USP8: variants seen among roughly 807,000 people sequenced by gnomAD.
USP8 encodes ubiquitin carboxyl-terminal hydrolase 8.
A neutral mutation model predicts 130.0 loss-of-function variants in USP8; 27 were observed. That is an observed-to-expected ratio of 0.21 (90% CI 0.15 to 0.29). The LOEUF (loss-of-function observed/expected upper bound fraction) is 0.29. Among genes scored for constraint, USP8 ranks in the 10% least tolerant of loss-of-function variants. The pLI is 1.00. For synonymous variants in USP8, 392 were observed against 444.1 expected, an observed-to-expected ratio of 0.88 and a Z score of 1.48; for missense variants, 1,029 against 1,312.2, an observed-to-expected ratio of 0.78 and a Z score of 3.33.
chr15:50,490,579 C>T lies in USP8; in HGVS notation c.2234+54C>T. ...AATAATGTGCTGTATTTCAAAGTTT[C>T]TACTCTGAATCTGTCAGTATGTTAG... On this transcript the variant is annotated intron_variant, in intron 14 of 19. Coordinates refer to ENST00000307179, the MANE Select transcript of USP8 (RefSeq NM_005154.5). 2.5e-6 allele frequency: 4 copies of T among 1,575,084 alleles called. No individual in the cohort carries two copies. The South Asian group carries it at 4.7e-5, about 18-fold the overall frequency.
chr15:50,492,028 CT>C (rs2052191286), intron 14 of USP8, among the ~76,000 whole-genome samples: 1 of 152,060 alleles, frequency 6.6e-6, no homozygotes, highest in East Asian at 1.9e-4. Context: ...TGCCCAGCTA[CT>C]TTTTGTATTT....
At chr15:50,477,568 A>T in intron 10 of USP8, 69 bp downstream of exon 10, 1 of 1,410,580 alleles carries the variant, frequency 7.1e-7, no homozygotes, top group Non-Finnish European at 9.7e-7. Flanking sequence ...AGCTGGGCAC[A>T]GTGCCTCACG....
rs1237098206 is a variant in USP8 at position 50,500,660 on chromosome 15, G to A, written c.*1572G>A. ...AAACACCATTTTCCTGGCTCTTAAC[G>A]CTTTTGTATTGGTATGGAAAAGGGC... is the stretch of plus-strand genomic sequence containing the variant. On this transcript the variant is annotated 3_prime_UTR_variant, in exon 20 of 20. Coordinates refer to ENST00000307179, the MANE Select transcript of USP8 (RefSeq NM_005154.5). The A allele has an allele frequency of 2.2e-5, 23 of 1,062,434 alleles. No individual in the cohort carries two copies. In the East Asian group the frequency reaches 2.9e-4, roughly 13 times the overall value. 65.8% of individuals were successfully genotyped at this position (1,062,434 alleles called of 1,614,324 possible).
intron 16 of USP8, among the ~76,000 whole-genome samples, chr15:50,495,069 T>A (rs2052324320): frequency 6.6e-6 from 1 of 150,558 alleles, no homozygotes; most frequent in Non-Finnish European, 1.5e-5. Context: ...CTCATGTGAC[T>A]AGTTATTATA....
intron 1 of USP8, among the ~76,000 whole-genome samples, chr15:50,438,192 C>G (rs2050144919): frequency 6.6e-6 from 1 of 152,194 alleles, no homozygotes; most frequent in South Asian, 2.1e-4. Context: ...CCATCCCCTG[C>G]TCCAAGTTGT....
At chr15:50,449,124 TAAC>T (rs2050532085) in intron 3 of USP8, among the ~76,000 whole-genome samples, 1 of 152,328 alleles carries the variant, frequency 6.6e-6, no homozygotes, top group East Asian at 1.9e-4. Context: ...TACTCAAAAA[TAAC>T]AATGTTATTT....
chr15:50,481,632 T>C lies in USP8; in HGVS notation c.1370T>C (p.Leu457Ser). Residue 457 changes from leucine to serine, a missense_variant, in exon 11 of 20, where the codon TTA becomes TCA. By Grantham distance (145) the Leu-to-Ser change is moderately radical. Coordinates refer to ENST00000307179, the MANE Select transcript of USP8 (RefSeq NM_005154.5). ...KPVVFSPTLM[L>S]TDEEKARIHA... is the part of the protein sequence containing the mutation. ...GTAGTTTTTTCTCCAACTCTCATGTTAACAGATGAAGAAAAGGCTCGTATT... is the reference window on the plus strand; with the variant it reads ...GTAGTTTTTTCTCCAACTCTCATGTCAACAGATGAAGAAAAGGCTCGTATT... The C allele has an allele frequency of 6.2e-7, 1 of 1,614,022 alleles. No homozygotes were observed. The highest frequency in any genetic ancestry group is 2.2e-5 in the East Asian group (1 of 44,856).
chr15:50,454,754 C>T (rs889708849), intron 4 of USP8, among the ~76,000 whole-genome samples: 1 of 152,096 alleles, frequency 6.6e-6, no homozygotes, highest in East Asian at 1.9e-4. Flanking sequence ...CACGCCCAGC[C>T]TGGATTGAAT....
chr15:50,489,668 A>G, intron 12 of USP8, 133 bp from the exon 13 acceptor site: 1 of 468,160 alleles, frequency 2.1e-6, no homozygotes, highest in Non-Finnish European at 3.6e-6. Context: ...TTTTTAAAAT[A>G]TGAAGGGCAG....
In USP8 at chr15:50,459,158, A is replaced by T. The variant is rs774290227; in HGVS notation, c.494A>T (p.Gln165Leu). ...ENVLDSKDKT[Q>L]KSNGEKNEKC... ...GTTTTGGATTCCAAAGACAAAACCC[A>T]AAAGGTATTTCAAATTTAATGTGTG... Residue 165 changes from glutamine to leucine, a missense_variant, in exon 5 of 20, where the codon CAA becomes CTA. Physicochemically the swap from Gln to Leu is moderately radical, Grantham distance 113 (BLOSUM62 -2). Transcript: ENST00000307179. 3.5e-5 allele frequency: 56 copies of T among 1,600,352 alleles called. 1 individual carries two copies. The East Asian group carries it at 1.2e-3, about 35-fold the overall frequency.
intron 1 of USP8, among the ~76,000 whole-genome samples, chr15:50,425,781 T>G (rs1388016400): frequency 6.6e-6 from 1 of 152,148 alleles, no homozygotes; most frequent in African/African-American, 2.4e-5. Flanking sequence ...AGCATTTCGT[T>G]TTTTAATATA....
At position 50,501,459 on chromosome 15, in the gene USP8, G is replaced by GT. The variant is rs2052586710; in HGVS notation, c.*2372dup. On this transcript the variant is annotated 3_prime_UTR_variant, in exon 20 of 20. Coordinates refer to ENST00000307179, the MANE Select transcript of USP8 (RefSeq NM_005154.5). ...ACTGCACTCCAGCCTGGGTGACAGA[G>GT]TGAGACCCTGTCTTAAAATTGTAAG... is the stretch of plus-strand genomic sequence containing the variant. 3.9e-5 allele frequency: 6 copies of GT among 152,058 alleles called. No homozygotes were observed. The highest frequency in any genetic ancestry group is 3.9e-4 in the Admixed American group (6 of 15,262). 9.4% of individuals were successfully genotyped at this position (152,058 alleles called of 1,614,324 possible).
In USP8 at chr15:50,506,589, G is replaced by A. The variant is rs1031656719; in HGVS notation, c.*7501G>A. ...TAACATAAACACAAAAGAAGATGAC[G>A]ACAAGTAAATCCGAATTTATTACTA... On this transcript the variant is annotated 3_prime_UTR_variant, in exon 20 of 20. Transcript: ENST00000307179. 2 of 152,082 alleles carry A rather than the reference G, an allele frequency of 1.3e-5. No individual in the cohort carries two copies. Among genetic ancestry groups the A allele is most frequent in the East Asian group, 3.8e-4 (2 of 5,200 alleles). 9.4% of individuals were successfully genotyped at this position (152,082 alleles called of 1,614,324 possible). A position where few individuals can be genotyped will look rare whatever the true frequency, so the allele number is the denominator to read the frequency against.
At chr15:50,459,863 A>T (rs2050922143) in intron 5 of USP8, among the ~76,000 whole-genome samples, 1 of 152,042 alleles carries the variant, frequency 6.6e-6, no homozygotes, top group Non-Finnish European at 1.5e-5. Context: ...TCTTCTTTCT[A>T]ATCATGTAAT....
At chr15:50,497,269 A>G in intron 18 of USP8, 38 bp downstream of exon 18, 1 of 1,560,576 alleles carries the variant, frequency 6.4e-7, no homozygotes, top group East Asian at 2.3e-5. Context: ...CAGTGAAATT[A>G]AATGAGGGAA....
At chr15:50,477,193 A>G in intron 9 of USP8, 83 bp from the exon 10 acceptor site, 1 of 1,325,160 alleles carries the variant, frequency 7.5e-7, no homozygotes, top group Non-Finnish European at 1.0e-6. Flanking sequence ...ACATTTAATT[A>G]CTGCATTAAC....
Position 50,449,449 on chromosome 15 carries a change from A to G in USP8, c.299A>G (p.Glu100Gly). The change falls in exon 4 of 20, where the codon GAA becomes GGA. Residue 100 changes from glutamate to glycine, a missense_variant. Glu to Gly is a moderately conservative substitution (Grantham distance 98). Coordinates refer to ENST00000307179, the MANE Select transcript of USP8 (RefSeq NM_005154.5). ...LGPGNIKKAV[E>G]EAERLSESLK... ...CCTGGAAACATCAAAAAAGCTGTCG[A>G]AGAAGCTGAAAGACTCTCTGAAAGC... 1 of 1,597,834 alleles carries G rather than the reference A, an allele frequency of 6.3e-7. No individual in the cohort carries two copies. The highest frequency in any genetic ancestry group is 8.5e-7 in the Non-Finnish European group (1 of 1,170,904).
intron 12 of USP8, 69 bp from the exon 13 acceptor site, chr15:50,489,732 C>T: frequency 8.8e-7 from 1 of 1,133,322 alleles, no homozygotes. Flanking sequence ...TTTTATATGA[C>T]AAAATTTAAT....
intron 12 of USP8, among the ~76,000 whole-genome samples, chr15:50,485,502 C>A (rs913147018): frequency 3.1e-5 from 4 of 127,548 alleles, no homozygotes; most frequent in African/African-American, 5.7e-5. Context: ...GCTTGAGATA[C>A]AATTTGCATA....
Sources: allele counts gnomAD v4.1 joint callset (sites outside exome capture counted in the v4.1 genomes callset), GRCh38; gene constraint gnomAD v4.1.1; transcripts MANE v1.5; gene names NCBI Gene and HGNC (gene_info 2026-07-23, HGNC 2026-07-21).